The following CSTF3 variants were observed in gnomAD, a reference collection of about 807,000 sequenced individuals.
CSTF3 encodes the protein cleavage stimulation factor subunit 3.
A neutral mutation model predicts 105.8 loss-of-function variants in CSTF3; 29 were observed. The observed-to-expected ratio is 0.27, with a 90% CI of 0.20 to 0.37. The LOEUF is 0.37. CSTF3 is among the 10% of genes least tolerant of loss of function. The pLI, the probability that CSTF3 is intolerant of heterozygous loss-of-function variation, is 1.00. For missense variants in CSTF3, 357 were observed against 879.3 expected, an observed-to-expected ratio of 0.41 and a Z score of 7.51; for synonymous variants, 252 against 281.9, an observed-to-expected ratio of 0.89 and a Z score of 1.06.
At chr11:33,085,582 C>T in intron 20 of CSTF3, 131 bp downstream of exon 20, 4 of 799,306 alleles carry the variant, frequency 5.0e-6, no homozygotes, top group Non-Finnish European at 8.3e-6. Flanking sequence ...GTTTGGGTAA[C>T]TCCTGGGTTT....
In CSTF3 at chr11:33,103,128, C is replaced by T. The variant is rs1855295400; in HGVS notation, c.642G>A (p.Met214Ile). Residue 214 changes from methionine to isoleucine, a missense_variant, in exon 9 of 21, where the codon ATG (methionine) becomes ATA (isoleucine). Coordinates refer to ENST00000323959, the MANE Select transcript of CSTF3 (RefSeq NM_001326.3). ...ATACCTTTGCTACACGTCTAGCATT[C>T]ATATAATCTCTACTCCGATCTTCAA... ...KMIEDRSRDYMNARRVAKEYE... is the reference protein window; with the variant it reads ...KMIEDRSRDYINARRVAKEYE... The T allele has an allele frequency of 6.4e-7, 1 of 1,574,594 alleles. No homozygotes were observed.
At chr11:33,143,541 G>A (rs775515939) in intron 1 of CSTF3, among the ~76,000 whole-genome samples, 7 of 152,062 alleles carry the variant, frequency 4.6e-5, no homozygotes, top group Non-Finnish European at 8.8e-5. Context: ...CTTGCGGCCA[G>A]GAGTTCAAGA....
chr11:33,140,750 A>G (rs986844359), intron 3 of CSTF3, among the ~76,000 whole-genome samples: 2 of 152,076 alleles, frequency 1.3e-5, no homozygotes, highest in African/African-American at 2.4e-5. Context: ...CTGAAAATCT[A>G]TATCACAAAA....
At chr11:33,098,978 T>G in intron 12 of CSTF3, 56 bp downstream of exon 12, 1 of 1,527,226 alleles carries the variant, frequency 6.5e-7, no homozygotes. Flanking sequence ...AGAAAAAAAG[T>G]TCAGTCCTGC....
At chr11:33,140,477 A>T (rs1167123516) in intron 3 of CSTF3, among the ~76,000 whole-genome samples, 1 of 152,030 alleles carries the variant, frequency 6.6e-6, no homozygotes, top group Non-Finnish European at 1.5e-5. Flanking sequence ...TCCTGCTATT[A>T]TCCAGTAATT....
chr11:33,098,633 TA>T (rs1262668230), intron 13 of CSTF3, 56 bp downstream of exon 13: 1 of 1,007,516 alleles, frequency 9.9e-7, no homozygotes, highest in Non-Finnish European at 1.5e-6. Flanking sequence ...AAATTTAAAT[TA>T]TTTTTTGTTA....
intron 1 of CSTF3, among the ~76,000 whole-genome samples, chr11:33,147,726 C>G (rs367720506): frequency 2.0e-5 from 3 of 152,080 alleles, no homozygotes; most frequent in Non-Finnish European, 2.9e-5. Context: ...TCAGTGATAA[C>G]AAACACCCAA....
chr11:33,149,257 CT>C (rs748993459), intron 1 of CSTF3, among the ~76,000 whole-genome samples: 22 of 152,140 alleles, frequency 1.4e-4, no homozygotes, highest in Admixed American at 2.0e-4. Flanking sequence ...ATGTTTTTTT[CT>C]GGCCTAGCTC....
chr11:33,140,148 T>C (rs1002478602), intron 3 of CSTF3, among the ~76,000 whole-genome samples: 3 of 152,074 alleles, frequency 2.0e-5, no homozygotes, highest in African/African-American at 7.2e-5. Flanking sequence ...TTAAGTCTAA[T>C]GTGTTTCTAA....
At chr11:33,102,097 G>A in intron 10 of CSTF3, 80 bp downstream of exon 10, 1 of 1,163,562 alleles carries the variant, frequency 8.6e-7, no homozygotes, top group African/African-American at 1.5e-5. Flanking sequence ...TTAGGGGTAA[G>A]AAAATTTTAG....
chr11:33,096,345 A>G lies in CSTF3; in HGVS notation c.1336T>C (p.Tyr446His), dbSNP rs1314575981. The G allele has an allele frequency of 1.2e-6, 2 of 1,600,088 alleles. No individual in the cohort carries two copies. Among genetic ancestry groups the G allele is most frequent in the Admixed American group, 1.8e-5 (1 of 55,088 alleles). Residue 446 changes from tyrosine (Y) to histidine (H), a missense_variant, in exon 15 of 21, where the codon TAT becomes CAT. Transcript: ENST00000323959. ...AGATAGTCAATATAGGCCAGGACAT[A>G]CTCTGGAATGTCTCCATATTTTTTT... ...GLKKYGDIPEYVLAYIDYLSH... is the reference protein window; with the variant it reads ...GLKKYGDIPEHVLAYIDYLSH...
rs534814585 is a variant in CSTF3 at position 33,123,422 on chromosome 11, C to T, written c.226-15004G>A. On this transcript the variant is annotated intron_variant, in intron 3 of 20. Coordinates refer to ENST00000323959, the MANE Select transcript of CSTF3 (RefSeq NM_001326.3). ...ACAGGATTATCAATGGGATTTAAAA[C>T]TATGACAACCTCTGTGGAAGAACAT... Among the ~76,000 whole-genome samples the T allele has an allele frequency of 5.9e-5, 9 of 152,090 alleles. No homozygotes were observed. In the East Asian group the frequency reaches 1.5e-3, roughly 26 times the overall value.
At chr11:33,139,137 T>TAA (rs949963940) in intron 3 of CSTF3, among the ~76,000 whole-genome samples, 2 of 151,918 alleles carry the variant, frequency 1.3e-5, no homozygotes, top group African/African-American at 2.4e-5. Context: ...CAAATTTTTT[T>TAA]AAAAAGTTTA....
At chr11:33,088,376 G>A (rs1855129830) in intron 17 of CSTF3, among the ~76,000 whole-genome samples, 1 of 151,416 alleles carries the variant, frequency 6.6e-6, no homozygotes, top group Non-Finnish European at 1.5e-5. Context: ...AACCTCCTGG[G>A]TTCAAGCAAT....
At chr11:33,151,285 G>A (rs1300604556) in intron 1 of CSTF3, among the ~76,000 whole-genome samples, 3 of 151,840 alleles carry the variant, frequency 2.0e-5, no homozygotes, top group Non-Finnish European at 4.4e-5. Flanking sequence ...CAACCTCCTG[G>A]GCTCAATCAA....
intron 1 of CSTF3, 95 bp downstream of exon 1, chr11:33,161,204 C>A: frequency 7.1e-7 from 1 of 1,409,304 alleles, no homozygotes; most frequent in South Asian, 1.2e-5. Context: ...GTTCACTAGA[C>A]CCAATTCCTT....
chr11:33,109,127 AAG>A (rs1185302551), intron 3 of CSTF3, among the ~76,000 whole-genome samples: 9 of 152,202 alleles, frequency 5.9e-5, no homozygotes, highest in African/African-American at 2.2e-4. Context: ...GAAGAAAGGG[AAG>A]AGTTATTCCA....
rs1408050209 is a variant in CSTF3 at position 33,154,487 on chromosome 11, C to CTTTTTTT, written c.27+6811_27+6812insAAAAAAA. Among the ~76,000 whole-genome samples, 2 of 30,636 alleles carry CTTTTTTT rather than the reference C, an allele frequency of 6.5e-5. 1 individual carries two copies. Among genetic ancestry groups the CTTTTTTT allele is most frequent in the Non-Finnish European group, 1.9e-4 (2 of 10,446 alleles). 20.1% of individuals were successfully genotyped at this position (30,636 alleles called of 152,430 possible). ...TAGACCGGAGTAGCACTCCGTAAGA[C>CTTTTTTT]TTTCTTTTTTTTTTTTTTTTTTTTT... is the stretch of plus-strand genomic sequence containing the variant. On this transcript the variant is annotated intron_variant, in intron 1 of 20. Coordinates refer to ENST00000323959, the MANE Select transcript of CSTF3 (RefSeq NM_001326.3).
intron 3 of CSTF3, among the ~76,000 whole-genome samples, chr11:33,119,893 T>C (rs754077157): frequency 6.6e-6 from 1 of 151,732 alleles, no homozygotes; most frequent in Non-Finnish European, 1.5e-5. Context: ...TATCAAATAA[T>C]CATCGTTTTC....
Sources: gnomAD v4.1 joint callset for allele counts (sites outside exome capture counted in the v4.1 genomes callset) on GRCh38, gnomAD v4.1.1 for gene constraint, MANE v1.5 for transcripts, NCBI Gene and HGNC (gene_info 2026-07-23, HGNC 2026-07-21) for gene names.